NDFIP1: variants seen among roughly 807,000 people sequenced by gnomAD.
The protein encoded by NDFIP1 is NEDD4 family-interacting protein 1.
In NDFIP1, 7 loss-of-function variants were observed where a neutral mutation model predicts 28.8. The ratio of observed to expected loss-of-function variants is 0.24; its 90% confidence interval spans 0.14 to 0.46. The LOEUF is 0.46. Ranked by LOEUF, NDFIP1 falls within the 20% of genes least tolerant of loss-of-function variation. NDFIP1 has a pLI of 0.99. For synonymous variants in NDFIP1, 92 were observed against 101.0 expected (o/e 0.91, Z 0.53); for missense variants, 194 against 269.1 (o/e 0.72, Z 1.95).
At chr5:142,132,439 T>G (rs1757237115) in intron 3 of NDFIP1, 97 bp downstream of exon 3, 2 of 1,404,740 alleles carry the variant, frequency 1.4e-6, no homozygotes, top group Non-Finnish European at 1.9e-6. Flanking sequence ...TTGTATTGAT[T>G]AGTGAAAGTA....
chr5:142,142,940 A>AAATATATATATAT (rs60076432), intron 6 of NDFIP1: 43 of 38,108 alleles, frequency 1.1e-3, no homozygotes, highest in Non-Finnish European at 1.6e-3. Flanking sequence ...AAAAAAAAAA[A>AAATATATATATAT]ATATATATAT....
At chr5:142,126,380 T>A (rs1045688387) in intron 1 of NDFIP1, among the ~76,000 whole-genome samples, 3 of 152,212 alleles carry the variant, frequency 2.0e-5, no homozygotes, top group Admixed American at 1.3e-4. Flanking sequence ...CTGATATTTA[T>A]TTTTAATAAC....
At chr5:142,145,547 C>G (rs1757380314) in intron 7 of NDFIP1, among the ~76,000 whole-genome samples, 1 of 151,966 alleles carries the variant, frequency 6.6e-6, no homozygotes, top group Non-Finnish European at 1.5e-5. Context: ...TTAGGCAAAG[C>G]ATTATAAAGG....
chr5:142,116,513 T>C (rs1387294413), intron 1 of NDFIP1, among the ~76,000 whole-genome samples: 1 of 151,718 alleles, frequency 6.6e-6, no homozygotes, highest in Non-Finnish European at 1.5e-5. Flanking sequence ...GGACTACAGG[T>C]GCCCGCCAGC....
At chr5:142,133,350 C>T (rs1757244511) in intron 3 of NDFIP1, among the ~76,000 whole-genome samples, 1 of 152,210 alleles carries the variant, frequency 6.6e-6, no homozygotes, top group South Asian at 2.1e-4. Context: ...GGAAGCAAAC[C>T]ACATGCTTGG....
chr5:142,139,316 A>T (rs1368854554), intron 5 of NDFIP1, among the ~76,000 whole-genome samples: 1 of 152,156 alleles, frequency 6.6e-6, no homozygotes, highest in Non-Finnish European at 1.5e-5. Flanking sequence ...TTAGAAAAAA[A>T]TTTTTAATTG....
At chr5:142,109,698 T>C (rs1366118058) in intron 1 of NDFIP1, among the ~76,000 whole-genome samples, 1 of 152,102 alleles carries the variant, frequency 6.6e-6, no homozygotes, top group Non-Finnish European at 1.5e-5. Context: ...GGAAGTGACG[T>C]TTTAAGAGAT....
At chr5:142,148,949 A>G (rs959730614) in intron 7 of NDFIP1, among the ~76,000 whole-genome samples, 1 of 152,118 alleles carries the variant, frequency 6.6e-6, no homozygotes, top group Admixed American at 6.5e-5. Context: ...AGTTAGCTAC[A>G]GTAATAAGGT....
intron 6 of NDFIP1, among the ~76,000 whole-genome samples, chr5:142,141,263 C>G (rs906840729): frequency 6.8e-5 from 10 of 148,108 alleles, no homozygotes; most frequent in African/African-American, 2.5e-4. Flanking sequence ...GCAAGCTCCA[C>G]CTCCCGGGTT....
intron 6 of NDFIP1, among the ~76,000 whole-genome samples, chr5:142,141,009 A>G (rs1203068438): frequency 5.3e-5 from 8 of 152,114 alleles, no homozygotes; most frequent in East Asian, 1.9e-4. Flanking sequence ...GAACTAACTC[A>G]TAAGTGCAGG....
chr5:142,140,203 C>T (rs545235292), intron 5 of NDFIP1, among the ~76,000 whole-genome samples: 92 of 152,154 alleles, frequency 6.0e-4, no homozygotes, highest in African/African-American at 2.1e-3. Context: ...AATCCCAGCA[C>T]TTTGGGAGGC....
chr5:142,140,340 C>T (rs1006960363), intron 5 of NDFIP1, among the ~76,000 whole-genome samples: 33 of 150,986 alleles, frequency 2.2e-4, no homozygotes, highest in African/African-American at 7.3e-4. Flanking sequence ...CCCAGCTACT[C>T]GGGAGGCTGA....
chr5:142,138,870 A>G (rs963029167), intron 5 of NDFIP1, among the ~76,000 whole-genome samples: 4 of 124,624 alleles, frequency 3.2e-5, no homozygotes, highest in Non-Finnish European at 6.4e-5. Flanking sequence ...GAGAAATAAA[A>G]TTAATTCCAG....
At chr5:142,149,434 C>CTT (rs10684292) in intron 7 of NDFIP1, among the ~76,000 whole-genome samples, 20,112 of 114,522 alleles carry the variant, frequency 0.18, 2,813 homozygotes, top group African/African-American at 0.37. Context: ...TATTGGATTC[C>CTT]TTTTTTTTTT....
In NDFIP1 at chr5:142,135,761, A is replaced by G. The variant is rs376165756; in HGVS notation, c.314A>G (p.Asp105Gly). The change falls in exon 4 of 8, where the codon GAT (aspartate) becomes GGT (glycine). Residue 105 changes from aspartate to glycine, a missense_variant. Physicochemically the swap from Asp to Gly is moderately conservative, Grantham distance 94 (BLOSUM62 -1). Transcript: ENST00000253814. ...DEDFVGRDDF[D>G]DADQLRIGND... ...GATTTTGTGGGTCGGGATGATTTTGATGATGCTGACCAGCTGAGGATAGGA... is the reference window on the plus strand; with the variant it reads ...GATTTTGTGGGTCGGGATGATTTTGGTGATGCTGACCAGCTGAGGATAGGA... The G allele has an allele frequency of 3.7e-6, 6 of 1,613,466 alleles. No homozygotes were observed. In the African/African-American group the frequency reaches 4.0e-5, roughly 11 times the overall value.
chr5:142,136,755 C>CAA (rs33932095), intron 4 of NDFIP1, among the ~76,000 whole-genome samples: 25,921 of 76,266 alleles, frequency 0.34, 5,479 homozygotes, highest in African/African-American at 0.56. Flanking sequence ...GACTTCGTCT[C>CAA]AAAAAAAAAA....
chr5:142,148,255 C>T (rs186372128), intron 7 of NDFIP1, among the ~76,000 whole-genome samples: 1 of 152,142 alleles, frequency 6.6e-6, no homozygotes, highest in Non-Finnish European at 1.5e-5. Context: ...ACACCTCCTT[C>T]TAATCAGTCA....
chr5:142,132,212 C>A lies in NDFIP1; in HGVS notation c.152C>A (p.Ala51Glu). ...AATTGTGACTGTTAAAATTCTGCAG[C>A]ATATTTTGACTACAAGGATGAGTCT... ...PYSSISAESA[A>E]YFDYKDESGF... Residue 51 changes from alanine to glutamate, a missense_variant and splice_region_variant, in exon 3 of 8, where the codon GCA becomes GAA. By Grantham distance (107) the Ala-to-Glu change is moderately radical. Transcript: ENST00000253814. 1 of 1,606,616 alleles carries A rather than the reference C, an allele frequency of 6.2e-7. No homozygotes were observed.
At position 142,122,938 on chromosome 5, in the gene NDFIP1, T is replaced by C. The variant is rs138119317; in HGVS notation, c.64-8870T>C. On this transcript the variant is annotated intron_variant, in intron 1 of 7. Coordinates refer to ENST00000253814, the MANE Select transcript of NDFIP1 (RefSeq NM_030571.4). ...TTCCTAATGGTGTCTTCTGAATGAATAGTAGAGTTCTCGTGTGTGTGTTTT... is the reference window on the plus strand; with the variant it reads ...TTCCTAATGGTGTCTTCTGAATGAACAGTAGAGTTCTCGTGTGTGTGTTTT... 3.7e-3 allele frequency among the ~76,000 whole-genome samples: 564 copies of C among 152,278 alleles called. 1 individual carries two copies. Among genetic ancestry groups the C allele is most frequent in the Non-Finnish European group, 4.2e-3 (288 of 68,014 alleles).
Sources: gnomAD v4.1 joint callset for allele counts (sites outside exome capture counted in the v4.1 genomes callset) on GRCh38, gnomAD v4.1.1 for gene constraint, MANE v1.5 for transcripts, NCBI Gene and HGNC (gene_info 2026-07-23, HGNC 2026-07-21) for gene names.